The following MAPK6 variants were observed in gnomAD, a reference collection of about 807,000 sequenced individuals.
MAPK6 encodes the protein mitogen-activated protein kinase 6, also known as ERK-3.
In MAPK6, 19 loss-of-function variants were observed where a neutral mutation model predicts 59.3. The ratio of observed to expected loss-of-function variants is 0.32; its 90% confidence interval spans 0.22 to 0.47. The LOEUF is 0.47. Ranked by LOEUF, MAPK6 falls within the 20% of genes least tolerant of loss-of-function variation. MAPK6 has a pLI of 1.00. For synonymous variants in MAPK6, 316 were observed against 290.3 expected (o/e 1.09, Z -0.90); for missense variants, 724 against 847.9 (o/e 0.85, Z 1.81).
chr15:52,041,228 C>T (rs1010855469), intron 1 of MAPK6, among the ~76,000 whole-genome samples: 6 of 151,922 alleles, frequency 3.9e-5, no homozygotes, highest in African/African-American at 1.2e-4. Context: ...TGGAATTTTG[C>T]TCTTGTTGCT....
chr15:51,985,429 C>T (rs1197783041), intron 2 of MAPK6, among the ~76,000 whole-genome samples: 1 of 151,618 alleles, frequency 6.6e-6, no homozygotes, highest in Non-Finnish European at 1.5e-5. Flanking sequence ...CCGAGGTGGG[C>T]AGATCACTTG....
intron 1 of MAPK6, among the ~76,000 whole-genome samples, chr15:52,028,396 ACTT>A (rs770772131): frequency 7.2e-5 from 11 of 152,050 alleles, no homozygotes; most frequent in Non-Finnish European, 1.0e-4. Context: ...CAGCCTGTTG[ACTT>A]CTTAAGGACT....
chr15:52,058,618 GTTT>G lies in MAPK6; in HGVS notation c.701-11_701-9del. On this transcript the variant is annotated splice_polypyrimidine_tract_variant and intron_variant, in intron 3 of 5. Transcript: ENST00000261845. The stretch of plus-strand genomic sequence containing the variant: ...CATTGAGGAATGTGTTTTTTTGTTT[GTTT>G]TTTAACCTCAGGTGCACATGAACTT... The G allele has an allele frequency of 6.4e-7, 1 of 1,570,522 alleles. No individual in the cohort carries two copies. The highest frequency in any genetic ancestry group is 1.2e-5 in the South Asian group (1 of 85,288).
intron 2 of MAPK6, 149 bp from the exon 3 acceptor site, chr15:52,049,844 C>T (rs1008542892): frequency 1.5e-6 from 1 of 664,334 alleles, no homozygotes; most frequent in Admixed American, 2.7e-5. Context: ...AACTCCCGAC[C>T]TTGGGTGATC....
rs191650184 is a variant in MAPK6 at position 52,048,657 on chromosome 15, G to A, written c.556-1336G>A. 8.6e-5 allele frequency among the ~76,000 whole-genome samples: 13 copies of A among 151,968 alleles called. No individual in the cohort carries two copies. The East Asian group carries it at 1.6e-3, about 18-fold the overall frequency. ...AAAATGAGTTCTAGGCTGGAAGCGC[G>A]GTGGCCCCTGCCTGTAATCTCAGCA... On this transcript the variant is annotated intron_variant, in intron 2 of 5. Transcript: ENST00000261845.
At chr15:51,980,613 CAG>C (rs531926988) in intron 1 of MAPK6, among the ~76,000 whole-genome samples, 26 of 150,428 alleles carry the variant, frequency 1.7e-4, no homozygotes, top group Non-Finnish European at 3.0e-4. Context: ...TTTTTTTAGA[CAG>C]AGTCTTGCTC....
intron 2 of MAPK6, among the ~76,000 whole-genome samples, chr15:51,991,691 C>T (rs1027748233): frequency 6.6e-5 from 10 of 152,096 alleles, no homozygotes; most frequent in African/African-American, 7.2e-5. Flanking sequence ...CTAGGGTTGC[C>T]GACATCGGCA....
chr15:52,036,114 A>C (rs2031233409), intron 1 of MAPK6, among the ~76,000 whole-genome samples: 1 of 151,936 alleles, frequency 6.6e-6, no homozygotes, highest in South Asian at 2.1e-4. Flanking sequence ...GTGCGCCTGT[A>C]CTCCTAACTA....
chr15:51,991,812 A>T (rs2057209658), intron 2 of MAPK6, among the ~76,000 whole-genome samples: 1 of 152,240 alleles, frequency 6.6e-6, no homozygotes, highest in African/African-American at 2.4e-5. Context: ...TCCGGCACAG[A>T]GCTTGGAGAA....
chr15:52,031,511 G>C (rs1016275370), intron 1 of MAPK6, among the ~76,000 whole-genome samples: 5 of 152,154 alleles, frequency 3.3e-5, no homozygotes, highest in Admixed American at 3.3e-4. Context: ...ACATAATACA[G>C]TCTCAATAAA....
chr15:51,975,662 T>C (rs2141799686), intron 1 of MAPK6, among the ~76,000 whole-genome samples: 1 of 152,048 alleles, frequency 6.6e-6, no homozygotes, highest in Admixed American at 6.5e-5. Flanking sequence ...ACAGAATATA[T>C]TCACTGAAAA....
chr15:52,028,016 G>A (rs2141866130), intron 1 of MAPK6: 1 of 136,602 alleles, frequency 7.3e-6, no homozygotes, highest in Admixed American at 8.3e-5. Context: ...GCAGTGGTGC[G>A]ATCTCAGCTC....
At chr15:51,998,154 G>C (rs1367144686) in intron 2 of MAPK6, among the ~76,000 whole-genome samples, 2 of 151,928 alleles carry the variant, frequency 1.3e-5, no homozygotes, top group Non-Finnish European at 2.9e-5. Context: ...ATGTTGGCCA[G>C]GATGGTCGCG....
intron 1 of MAPK6, among the ~76,000 whole-genome samples, chr15:52,042,390 G>A (rs2031451410): frequency 2.0e-5 from 3 of 152,338 alleles, no homozygotes; most frequent in African/African-American, 7.2e-5. Context: ...TGACTCTGCA[G>A]TTCTCAGTGT....
At chr15:52,055,755 AT>A (rs1218126865) in intron 3 of MAPK6, among the ~76,000 whole-genome samples, 1 of 152,126 alleles carries the variant, frequency 6.6e-6, no homozygotes, top group African/African-American at 2.4e-5. Context: ...ACCTCAGGTC[AT>A]TACCTGCCTC....
chr15:52,027,063 G>A (rs78133166), intron 1 of MAPK6, among the ~76,000 whole-genome samples: 3,423 of 150,230 alleles, frequency 0.023, 85 homozygotes, highest in East Asian at 0.075. Context: ...AAAAGAAAAT[G>A]CCTGTCACAG....
intron 3 of MAPK6, among the ~76,000 whole-genome samples, chr15:52,013,261 A>G (rs2030143825): frequency 6.6e-6 from 1 of 151,640 alleles, no homozygotes; most frequent in African/African-American, 2.4e-5. Flanking sequence ...CAAGAAAGGA[A>G]GTGGTGTTTC....
chr15:52,007,759 A>G (rs1407548399), intron 3 of MAPK6, among the ~76,000 whole-genome samples: 1 of 151,436 alleles, frequency 6.6e-6, no homozygotes, highest in Non-Finnish European at 1.5e-5. Context: ...CATAATTTCT[A>G]TTTTTTAGCT....
At chr15:52,022,924 A>T (rs1201112215) in intron 1 of MAPK6, among the ~76,000 whole-genome samples, 2 of 152,018 alleles carry the variant, frequency 1.3e-5, no homozygotes, top group Non-Finnish European at 2.9e-5. Flanking sequence ...CCTGGCCAAC[A>T]TGGTGAAACC....
Sources: allele counts gnomAD v4.1 joint callset (sites outside exome capture counted in the v4.1 genomes callset), GRCh38; gene constraint gnomAD v4.1.1; transcripts MANE v1.5; gene names NCBI Gene and HGNC (gene_info 2026-07-23, HGNC 2026-07-21).